CEMIP: variants seen among roughly 807,000 people sequenced by gnomAD.
The protein encoded by CEMIP is cell migration-inducing and hyaluronan-binding protein.
A neutral mutation model predicts 156.9 loss-of-function variants in CEMIP; 105 were observed. The observed-to-expected ratio is 0.67, with a 90% CI of 0.57 to 0.79. The LOEUF (loss-of-function observed/expected upper bound fraction) is 0.79. CEMIP is among the 30% of genes least tolerant of loss of function. CEMIP has a pLI of 0.00. For synonymous variants in CEMIP, 676 were observed against 668.4 expected (o/e 1.01, Z -0.17); for missense variants, 1,457 against 1,769.4 (o/e 0.82, Z 3.17).
intron 1 of CEMIP, among the ~76,000 whole-genome samples, chr15:80,821,252 A>C (rs1896901347): frequency 6.6e-6 from 1 of 152,234 alleles, no homozygotes; most frequent in African/African-American, 2.4e-5. Flanking sequence ...GGCTTATTGC[A>C]TTCAGGAACC....
chr15:80,928,562 G>A (rs1900783212), intron 19 of CEMIP, among the ~76,000 whole-genome samples: 1 of 152,178 alleles, frequency 6.6e-6, no homozygotes, highest in Non-Finnish European at 1.5e-5. Flanking sequence ...AAGTTCTCCT[G>A]ATCCAACCTC....
chr15:80,857,592 G>A (rs937693288), intron 1 of CEMIP, among the ~76,000 whole-genome samples: 1 of 152,172 alleles, frequency 6.6e-6, no homozygotes, highest in Admixed American at 6.5e-5. Context: ...GTTGAAGTTT[G>A]CAAACTTCAC....
intron 1 of CEMIP, among the ~76,000 whole-genome samples, chr15:80,848,364 C>G (rs1157943059): frequency 1.3e-5 from 2 of 152,182 alleles, no homozygotes; most frequent in Non-Finnish European, 2.9e-5. Flanking sequence ...TCAACTGTTC[C>G]TGTTCCATGC....
intron 1 of CEMIP, among the ~76,000 whole-genome samples, chr15:80,867,093 G>A (rs1322302122): frequency 6.6e-6 from 1 of 152,120 alleles, no homozygotes; most frequent in African/African-American, 2.4e-5. Flanking sequence ...TCTGTAAAAT[G>A]GGGAGGGTGG....
intron 5 of CEMIP, among the ~76,000 whole-genome samples, chr15:80,880,055 C>G (rs1460777216): frequency 2.0e-5 from 3 of 152,174 alleles, no homozygotes; most frequent in Non-Finnish European, 2.9e-5. Context: ...TTATAGTGGC[C>G]TGGATGCTGT....
intron 25 of CEMIP, among the ~76,000 whole-genome samples, chr15:80,939,001 G>C (rs1416171873): frequency 2.0e-5 from 3 of 152,104 alleles, no homozygotes; most frequent in Non-Finnish European, 2.9e-5. Flanking sequence ...TTAAAATTTA[G>C]AATCAAAAGT....
chr15:80,913,040 G>A (rs1344210372), intron 14 of CEMIP, among the ~76,000 whole-genome samples: 1 of 152,086 alleles, frequency 6.6e-6, no homozygotes, highest in Non-Finnish European at 1.5e-5. Context: ...ATTTGTAGGT[G>A]TGCAGAGCTG....
At chr15:80,838,552 A>C (rs917865461) in intron 1 of CEMIP, among the ~76,000 whole-genome samples, 1 of 151,978 alleles carries the variant, frequency 6.6e-6, no homozygotes, top group Non-Finnish European at 1.5e-5. Context: ...TGAAGTTCCC[A>C]GATATGTCAT....
chr15:80,901,917 T>C (rs1899577957), intron 12 of CEMIP, among the ~76,000 whole-genome samples: 1 of 152,162 alleles, frequency 6.6e-6, no homozygotes, highest in Admixed American at 6.5e-5. Context: ...TGAAGGCCCT[T>C]GTTCCCAAAG....
At position 80,888,723 on chromosome 15, in the gene CEMIP, C is replaced by G. The variant is rs1313447499; in HGVS notation, c.891C>G (p.Ala297=). Residue 297 remains alanine, a synonymous_variant, in exon 9 of 30, where the codon GCC becomes GCG. Coordinates refer to ENST00000394685, the MANE Select transcript of CEMIP (RefSeq NM_001293298.2). ...CAGGACATCGAGGCTCTGCTGCTGC[C>G]CGGGTATTCAAATTGTTCCAGACAG... ...EYHGHRGSAA[A]RVFKLFQTEH... is the part of the protein sequence containing the mutation. 1 of 1,614,042 alleles carries G rather than the reference C, an allele frequency of 6.2e-7. No homozygotes were observed. Among genetic ancestry groups the G allele is most frequent in the Admixed American group, 1.7e-5 (1 of 59,998 alleles).
intron 28 of CEMIP, among the ~76,000 whole-genome samples, chr15:80,945,202 G>A (rs994341483): frequency 2.0e-5 from 3 of 152,198 alleles, no homozygotes; most frequent in Non-Finnish European, 4.4e-5. Flanking sequence ...TGCTGGCTGG[G>A]GCATGGGCTT....
intron 16 of CEMIP, among the ~76,000 whole-genome samples, chr15:80,921,607 G>A (rs568481938): frequency 1.3e-5 from 2 of 152,156 alleles, no homozygotes; most frequent in Non-Finnish European, 2.9e-5. Flanking sequence ...TCACCCACCC[G>A]TCCATGCTGC....
chr15:80,854,717 A>G (rs1446569005), intron 1 of CEMIP, among the ~76,000 whole-genome samples: 2 of 152,234 alleles, frequency 1.3e-5, no homozygotes, highest in Non-Finnish European at 2.9e-5. Context: ...TAATAGCCTT[A>G]TAAGCTAGAC....
At chr15:80,788,415 G>A (rs1412541795) in intron 1 of CEMIP, among the ~76,000 whole-genome samples, 1 of 148,514 alleles carries the variant, frequency 6.7e-6, no homozygotes, top group Non-Finnish European at 1.5e-5. Context: ...AAGTTGCAGT[G>A]AGCTGAGATT....
chr15:80,888,369 A>G (rs1307109174), intron 8 of CEMIP, among the ~76,000 whole-genome samples: 1 of 152,158 alleles, frequency 6.6e-6, no homozygotes, highest in Non-Finnish European at 1.5e-5. Flanking sequence ...GGCCTTCAGG[A>G]CACAGTAGTA....
At position 80,909,282 on chromosome 15, in the gene CEMIP, A is replaced by C. The variant is rs1371734149; in HGVS notation, c.1773A>C (p.Thr591=). Residue 591 remains threonine (T), a synonymous_variant, in exon 14 of 30, where the codon ACA becomes ACC. Coordinates refer to ENST00000394685, the MANE Select transcript of CEMIP (RefSeq NM_001293298.2). Reference sequence around the variant, plus strand: ...ATCATACATTCTCTCGCTGCGTCACAGTCCATGGCTCCAATGGCTTGTTGG... The same window carrying C: ...ATCATACATTCTCTCGCTGCGTCACCGTCCATGGCTCCAATGGCTTGTTGG... ...SIHHTFSRCV[T]VHGSNGLLIK... 2.5e-6 allele frequency: 4 copies of C among 1,614,006 alleles called. No homozygotes were observed. The highest frequency in any genetic ancestry group is 3.4e-6 in the Non-Finnish European group (4 of 1,180,036).
intron 1 of CEMIP, among the ~76,000 whole-genome samples, chr15:80,828,978 C>T (rs1339918837): frequency 1.3e-5 from 2 of 152,216 alleles, no homozygotes; most frequent in Non-Finnish European, 2.9e-5. Flanking sequence ...CCTCTTTTCC[C>T]TGCACAGAAA....
intron 1 of CEMIP, among the ~76,000 whole-genome samples, chr15:80,801,546 T>G (rs2141603155): frequency 6.6e-6 from 1 of 152,348 alleles, no homozygotes; most frequent in South Asian, 2.1e-4. Flanking sequence ...TGCTTTCTTT[T>G]GGCTGAAGCC....
Position 80,929,061 on chromosome 15 carries a change from AAAG to A in CEMIP, c.2502_2504del (p.Lys834del). The A allele has an allele frequency of 6.2e-7, 1 of 1,614,216 alleles. No homozygotes were observed. The stretch of plus-strand genomic sequence containing the variant: ...ATGACGACGGCTCCAAGCAAGAGAT[AAAG>A]AACAGCTTGTTTGTTGGCGAGAGTG... On this transcript the variant is annotated inframe_deletion, in exon 21 of 30. Coordinates refer to ENST00000394685, the MANE Select transcript of CEMIP (RefSeq NM_001293298.2).
Sources: gnomAD v4.1 joint callset for allele counts (sites outside exome capture counted in the v4.1 genomes callset) on GRCh38, gnomAD v4.1.1 for gene constraint, MANE v1.5 for transcripts, NCBI Gene and HGNC (gene_info 2026-07-23, HGNC 2026-07-21) for gene names.